ZMAT4: variants seen among roughly 807,000 people sequenced by gnomAD.
ZMAT4 encodes zinc finger matrin-type 4, also known as zinc finger matrin-type protein 4.
In ZMAT4, 17 loss-of-function variants were observed where a neutral mutation model predicts 28.7. That is an observed-to-expected ratio of 0.59 (90% CI 0.41 to 0.89). ZMAT4 has a LOEUF of 0.89. Among genes scored for constraint, ZMAT4 ranks in the 40% least tolerant of loss-of-function variants. The probability of loss-of-function intolerance (pLI) is 0.00; values close to 1 mark genes in which losing one functional copy is unlikely to be tolerated. For synonymous variants in ZMAT4, 117 were observed against 109.2 expected (o/e 1.07, Z -0.44); for missense variants, 240 against 283.8 (o/e 0.85, Z 1.11).
chr8:40,618,258 A>G (rs1806082598), intron 5 of ZMAT4, among the ~76,000 whole-genome samples: 1 of 152,204 alleles, frequency 6.6e-6, no homozygotes, highest in Non-Finnish European at 1.5e-5. Context: ...TCCTGGCATG[A>G]CCAGGACAAA....
chr8:40,659,866 T>C (rs1171336995), intron 5 of ZMAT4, among the ~76,000 whole-genome samples: 3 of 152,208 alleles, frequency 2.0e-5, no homozygotes, highest in Non-Finnish European at 4.4e-5. Context: ...ACGCTGAACC[T>C]TACTGATTCA....
chr8:40,810,871 C>T (rs995677846), intron 2 of ZMAT4, among the ~76,000 whole-genome samples: 16 of 151,800 alleles, frequency 1.1e-4, no homozygotes, highest in East Asian at 3.9e-4. Flanking sequence ...GCAAACGATA[C>T]GAATAGAAAT....
intron 6 of ZMAT4, among the ~76,000 whole-genome samples, chr8:40,544,577 A>G (rs982541024): frequency 6.6e-6 from 1 of 152,200 alleles, no homozygotes; most frequent in African/African-American, 2.4e-5. Context: ...CTTTTCTTGG[A>G]GAGAATTGTG....
rs1031763399 is a variant in ZMAT4, at chr8:40,689,415, A to T, written c.349+7830T>A. On this transcript the variant is annotated intron_variant, in intron 4 of 6. Coordinates refer to ENST00000297737, the MANE Select transcript of ZMAT4 (RefSeq NM_024645.3). ...TTTACATGAATTTAGAAAATATTTT[A>T]AAATGTTATGTTAATCGCACTCAAA... is the stretch of plus-strand genomic sequence containing the variant. Among the ~76,000 whole-genome samples, 3 of 152,388 alleles carry T rather than the reference A, an allele frequency of 2.0e-5. No individual in the cohort carries two copies. The East Asian group carries it at 5.8e-4, about 29-fold the overall frequency.
At chr8:40,842,899 C>T (rs914457069) in intron 1 of ZMAT4, among the ~76,000 whole-genome samples, 2 of 152,168 alleles carry the variant, frequency 1.3e-5, no homozygotes, top group African/African-American at 2.4e-5. Flanking sequence ...CCTCAGCCTC[C>T]GGAGTAGCTG....
chr8:40,868,453 G>A (rs978638949), intron 1 of ZMAT4, among the ~76,000 whole-genome samples: 1 of 152,150 alleles, frequency 6.6e-6, no homozygotes, highest in Non-Finnish European at 1.5e-5. Context: ...TGTCTGCACT[G>A]TCTGAGGGCT....
rs116831420 is a variant in ZMAT4, at chr8:40,571,748, C to T, written c.674+9417G>A. On this transcript the variant is annotated intron_variant, in intron 6 of 6. Transcript: ENST00000297737. ...CACCCTTTATTCAGAGCTTTACTAT[C>T]AGCTTACAAATGATTATCAGCTGAA... 4.6e-3 allele frequency among the ~76,000 whole-genome samples: 693 copies of T among 152,266 alleles called. 2 individuals are homozygous for T. Among genetic ancestry groups the T allele is most frequent in the Middle Eastern group, 0.024 (7 of 294 alleles).
chr8:40,783,039 T>A (rs1413385037), intron 2 of ZMAT4, among the ~76,000 whole-genome samples: 3 of 152,218 alleles, frequency 2.0e-5, no homozygotes, highest in Admixed American at 6.5e-5. Context: ...ACCATATGAC[T>A]CTGAAATTTC....
intron 3 of ZMAT4, among the ~76,000 whole-genome samples, chr8:40,700,083 A>G (rs188245992): frequency 1.4e-4 from 22 of 152,320 alleles, no homozygotes; most frequent in South Asian, 8.3e-4. Context: ...TTAAGGACCT[A>G]CTAATTGTGT....
At chr8:40,644,609 T>A (rs1156479816) in intron 5 of ZMAT4, among the ~76,000 whole-genome samples, 2 of 152,160 alleles carry the variant, frequency 1.3e-5, no homozygotes, top group Non-Finnish European at 2.9e-5. Context: ...AAACCTCACA[T>A]GCAGAATTAT....
At chr8:40,627,551 C>T (rs1806421237) in intron 5 of ZMAT4, among the ~76,000 whole-genome samples, 1 of 152,092 alleles carries the variant, frequency 6.6e-6, no homozygotes, top group South Asian at 2.1e-4. Context: ...TTAACAATAT[C>T]ATAATTCAAC....
At chr8:40,721,395 T>TGG (rs1811086969) in intron 3 of ZMAT4, among the ~76,000 whole-genome samples, 1 of 138,272 alleles carries the variant, frequency 7.2e-6, no homozygotes. Flanking sequence ...ACATTTGGGT[T>TGG]GGTTCCAAGT....
chr8:40,893,281 T>C (rs1212932722), intron 1 of ZMAT4, among the ~76,000 whole-genome samples: 1 of 152,196 alleles, frequency 6.6e-6, no homozygotes, highest in Non-Finnish European at 1.5e-5. Context: ...CTCCGAGAGC[T>C]TCCAGAGCTG....
intron 5 of ZMAT4, among the ~76,000 whole-genome samples, chr8:40,618,488 T>A (rs1378013040): frequency 6.6e-6 from 1 of 152,188 alleles, no homozygotes; most frequent in African/African-American, 2.4e-5. Flanking sequence ...GGTTTCAATA[T>A]CTTTTAAGAG....
intron 3 of ZMAT4, among the ~76,000 whole-genome samples, chr8:40,738,235 C>A (rs1235110583): frequency 6.6e-6 from 1 of 152,024 alleles, no homozygotes; most frequent in Non-Finnish European, 1.5e-5. Flanking sequence ...GCAGTGGAGA[C>A]AAAGAGAATT....
intron 6 of ZMAT4, among the ~76,000 whole-genome samples, chr8:40,541,064 C>G (rs893256891): frequency 2.7e-5 from 4 of 150,736 alleles, no homozygotes; most frequent in Non-Finnish European, 4.4e-5. Context: ...AATATAATAA[C>G]ACACAGACCT....
intron 5 of ZMAT4, among the ~76,000 whole-genome samples, chr8:40,608,890 C>T (rs1805695353): frequency 1.3e-5 from 2 of 152,288 alleles, no homozygotes; most frequent in Non-Finnish European, 2.9e-5. Context: ...GGCAGACTTT[C>T]CCCCTTTCAC....
intron 3 of ZMAT4, among the ~76,000 whole-genome samples, chr8:40,747,635 T>C (rs986012480): frequency 4.6e-5 from 7 of 151,792 alleles, no homozygotes; most frequent in African/African-American, 1.7e-4. Context: ...GTATGTATGG[T>C]AAGAGAGGTG....
intron 2 of ZMAT4, among the ~76,000 whole-genome samples, chr8:40,789,269 C>A (rs1413431732): frequency 6.6e-6 from 1 of 152,160 alleles, no homozygotes; most frequent in Non-Finnish European, 1.5e-5. Context: ...CCTATGAAAA[C>A]TTACGGCTAG....
Sources: allele counts gnomAD v4.1 joint callset (sites outside exome capture counted in the v4.1 genomes callset), GRCh38; gene constraint gnomAD v4.1.1; transcripts MANE v1.5; gene names NCBI Gene and HGNC (gene_info 2026-07-23, HGNC 2026-07-21).